The following RBFOX1 variants were observed in gnomAD, a reference collection of about 807,000 sequenced individuals.
The protein encoded by RBFOX1 is RNA binding fox-1 homolog 1, also known as RNA binding protein fox-1 homolog 1.
A neutral mutation model predicts 57.7 loss-of-function variants in RBFOX1; 8 were observed. The ratio of observed to expected loss-of-function variants is 0.14; its 90% confidence interval spans 0.08 to 0.25. The LOEUF (loss-of-function observed/expected upper bound fraction) is 0.25. Among genes scored for constraint, RBFOX1 ranks in the 10% least tolerant of loss-of-function variants. RBFOX1 has a pLI of 1.00. For synonymous variants in RBFOX1, 326 were observed against 222.4 expected, an observed-to-expected ratio of 1.47 and a Z score of -4.15; for missense variants, 611 against 548.5, an observed-to-expected ratio of 1.11 and a Z score of -1.14.
At chr16:7,526,090 C>G (rs1327587862) in intron 5 of RBFOX1, among the ~76,000 whole-genome samples, 1 of 152,196 alleles carries the variant, frequency 6.6e-6, no homozygotes, top group Non-Finnish European at 1.5e-5. Flanking sequence ...ATTAGATTCT[C>G]AGAGAAGCGT....
chr16:6,978,074 C>G (rs553215686), intron 3 of RBFOX1, among the ~76,000 whole-genome samples: 12 of 152,032 alleles, frequency 7.9e-5, no homozygotes, highest in African/African-American at 2.4e-4. Context: ...ACCCCGCCCC[C>G]CTTCATGTGG....
chr16:6,707,010 A>C (rs950913496), intron 3 of RBFOX1, among the ~76,000 whole-genome samples: 6 of 152,160 alleles, frequency 3.9e-5, no homozygotes, highest in Non-Finnish European at 7.3e-5. Flanking sequence ...ACAGAGAAGA[A>C]AATAGTATAT....
chr16:5,454,923 C>G (rs1412860678), intron 1 of RBFOX1, among the ~76,000 whole-genome samples: 4 of 38,458 alleles, frequency 1.0e-4, no homozygotes, highest in East Asian at 1.0e-3. Context: ...TCCTTTGTTT[C>G]TTTCTTCCTT....
chr16:5,359,745 C>G (rs969094480), intron 1 of RBFOX1, among the ~76,000 whole-genome samples: 1 of 152,040 alleles, frequency 6.6e-6, no homozygotes, highest in African/African-American at 2.4e-5. Flanking sequence ...TGATGTGATC[C>G]CATTTGTCCA....
intron 3 of RBFOX1, among the ~76,000 whole-genome samples, chr16:7,006,467 A>C (rs1308204731): frequency 6.6e-6 from 1 of 151,868 alleles, no homozygotes; most frequent in Non-Finnish European, 1.5e-5. Flanking sequence ...AAGTTTTTTT[A>C]TGTAGAGACA....
intron 3 of RBFOX1, among the ~76,000 whole-genome samples, chr16:5,806,918 C>T (rs912584393): frequency 6.6e-6 from 1 of 152,104 alleles, no homozygotes; most frequent in South Asian, 2.1e-4. Context: ...ACCGAAGCAG[C>T]CAGCCTTTCC....
At chr16:5,934,487 C>T (rs1036209054) in intron 4 of RBFOX1, among the ~76,000 whole-genome samples, 9 of 152,174 alleles carry the variant, frequency 5.9e-5, no homozygotes, top group South Asian at 2.1e-4. Context: ...TACAAGACAT[C>T]AGAGTGAAGC....
At chr16:7,096,525 C>T (rs922303978) in intron 4 of RBFOX1, among the ~76,000 whole-genome samples, 14 of 152,116 alleles carry the variant, frequency 9.2e-5, no homozygotes, top group Admixed American at 3.3e-4. Flanking sequence ...GGCCAATTTT[C>T]TTGCACCTGG....
chr16:5,941,179 A>C (rs528807753), intron 4 of RBFOX1, among the ~76,000 whole-genome samples: 1 of 152,148 alleles, frequency 6.6e-6, no homozygotes, highest in African/African-American at 2.4e-5. Context: ...AAGTCACTAC[A>C]ATAATGTAGT....
chr16:5,437,478 C>A (rs1273057332), intron 1 of RBFOX1, among the ~76,000 whole-genome samples: 2 of 152,200 alleles, frequency 1.3e-5, no homozygotes, highest in African/African-American at 4.8e-5. Flanking sequence ...GTACTGAGTG[C>A]TGTTATATTG....
At chr16:6,668,089 GTC>G (rs2098743647) in intron 3 of RBFOX1, among the ~76,000 whole-genome samples, 1 of 152,162 alleles carries the variant, frequency 6.6e-6, no homozygotes, top group Non-Finnish European at 1.5e-5. Context: ...TCAATTACCT[GTC>G]TAGAGTTTTG....
chr16:7,712,794 G>A lies in RBFOX1; in HGVS notation c.*2049G>A, dbSNP rs1033092662. 8 of 152,050 alleles carry A rather than the reference G, an allele frequency of 5.3e-5. No individual in the cohort carries two copies. Among genetic ancestry groups the A allele is most frequent in the African/African-American group, 1.9e-4 (8 of 41,410 alleles). 9.4% of individuals were successfully genotyped at this position (152,050 alleles called of 1,614,324 possible). A position where few individuals can be genotyped will look rare whatever the true frequency, so the allele number is the denominator to read the frequency against. On this transcript the variant is annotated 3_prime_UTR_variant, in exon 16 of 16. Coordinates refer to ENST00000550418, the MANE Select transcript of RBFOX1 (RefSeq NM_018723.4). ...AGAGGGAAGAAAGAGTAGGAGCAGG[G>A]GGCTATGGAGAATAAATTTCTCCCA... is the stretch of plus-strand genomic sequence containing the variant.
chr16:6,066,015 A>C (rs1260125412), intron 1 of RBFOX1, among the ~76,000 whole-genome samples: 9 of 152,144 alleles, frequency 5.9e-5, no homozygotes, highest in Admixed American at 1.3e-4. Flanking sequence ...TGGTAGTATT[A>C]AGAGGTATAA....
intron 4 of RBFOX1, among the ~76,000 whole-genome samples, chr16:5,894,958 G>T (rs576655802): frequency 9.9e-5 from 15 of 152,174 alleles, no homozygotes; most frequent in Non-Finnish European, 2.1e-4. Context: ...GGGAGGCAGA[G>T]CTTGCAGTAG....
intron 3 of RBFOX1, among the ~76,000 whole-genome samples, chr16:6,938,880 C>T (rs536671426): frequency 6.6e-6 from 1 of 152,106 alleles, no homozygotes; most frequent in South Asian, 2.1e-4. Flanking sequence ...AGCAGTGAGC[C>T]GAGATTGCAC....
intron 2 of RBFOX1, among the ~76,000 whole-genome samples, chr16:5,497,968 A>G (rs1434953292): frequency 6.6e-6 from 1 of 152,096 alleles, no homozygotes; most frequent in East Asian, 1.9e-4. Context: ...AGAAAATTTC[A>G]GGCAGAGGGA....
intron 3 of RBFOX1, among the ~76,000 whole-genome samples, chr16:6,799,688 T>A (rs375881321): frequency 6.6e-6 from 1 of 152,158 alleles, no homozygotes; most frequent in Admixed American, 6.5e-5. Context: ...TGAGCTAGTT[T>A]GCTGAGTCTT....
chr16:6,439,135 G>C (rs545597864), intron 2 of RBFOX1, among the ~76,000 whole-genome samples: 1 of 152,266 alleles, frequency 6.6e-6, no homozygotes, highest in Non-Finnish European at 1.5e-5. Context: ...TCCCACTTGA[G>C]CATGCCGATG....
chr16:7,604,706 T>G (rs751670651), intron 9 of RBFOX1, among the ~76,000 whole-genome samples: 6 of 152,212 alleles, frequency 3.9e-5, no homozygotes, highest in Admixed American at 6.5e-5. Context: ...CTGAGAGATC[T>G]GGAATTTTTT....
Sources: allele counts gnomAD v4.1 joint callset (sites outside exome capture counted in the v4.1 genomes callset), GRCh38; gene constraint gnomAD v4.1.1; transcripts MANE v1.5; gene names NCBI Gene and HGNC (gene_info 2026-07-23, HGNC 2026-07-21).